The following CCDC141 variants were observed in gnomAD, a reference collection of about 807,000 sequenced individuals.
CCDC141 encodes coiled-coil domain containing 141.
In CCDC141, 168 loss-of-function variants were observed where a neutral mutation model predicts 181.0. That is an observed-to-expected ratio of 0.93 (90% CI 0.82 to 1.05). The LOEUF (loss-of-function observed/expected upper bound fraction) is 1.05. Among genes scored for constraint, CCDC141 ranks in the 50% least tolerant of loss-of-function variants. The pLI is 0.00. For missense variants in CCDC141, 1,902 were observed against 1,788.5 expected (o/e 1.06, Z -1.14); for synonymous variants, 666 against 642.3 (o/e 1.04, Z -0.56).
At chr2:178,990,571 AAGGGGAGGGG>A (rs1156573274) in intron 2 of CCDC141, among the ~76,000 whole-genome samples, 1 of 114,884 alleles carries the variant, frequency 8.7e-6, no homozygotes, top group African/African-American at 3.4e-5. Context: ...GAAAAAAGAG[AAGGGGAGGGG>A]AGTGGAGGGG....
In CCDC141 at chr2:178,996,698, G is replaced by A. The variant is rs182811467; in HGVS notation, c.226-18023C>T. On this transcript the variant is annotated intron_variant, in intron 2 of 23. Coordinates refer to ENST00000443758, the MANE Select transcript of CCDC141 (RefSeq NM_173648.4). ...CTATGATTATGGCTTCCAATATTTC[G>A]TTGGGACTCTCCCATGACCTCCACT... Among the ~76,000 whole-genome samples the A allele has an allele frequency of 7.6e-3, 1,150 of 152,204 alleles. 6 individuals are homozygous for A. Among genetic ancestry groups the A allele is most frequent in the Non-Finnish European group, 0.013 (912 of 68,006 alleles).
At chr2:178,933,646 T>G (rs1326629028) in intron 6 of CCDC141, among the ~76,000 whole-genome samples, 1 of 152,204 alleles carries the variant, frequency 6.6e-6, no homozygotes, top group Admixed American at 6.5e-5. Context: ...GTCTTCTGTC[T>G]CCCTCCCATT....
intron 7 of CCDC141, among the ~76,000 whole-genome samples, chr2:178,914,260 C>T (rs964653923): frequency 2.0e-5 from 3 of 152,130 alleles, no homozygotes; most frequent in African/African-American, 4.8e-5. Flanking sequence ...TAGTCAATGT[C>T]GACAACTGAC....
intron 5 of CCDC141, among the ~76,000 whole-genome samples, chr2:178,951,789 C>G (rs977697719): frequency 2.0e-5 from 3 of 152,202 alleles, no homozygotes; most frequent in Admixed American, 2.0e-4. Context: ...CAGGCAGCAA[C>G]AGCTAATTCT....
At chr2:179,007,960 A>G (rs2042161078) in intron 2 of CCDC141, among the ~76,000 whole-genome samples, 1 of 152,142 alleles carries the variant, frequency 6.6e-6, no homozygotes, top group Non-Finnish European at 1.5e-5. Flanking sequence ...CAGAGAATAC[A>G]TTTTCTTAGT....
Position 179,023,328 on chromosome 2 carries a change from A to G in CCDC141, c.225+23956T>C, listed in dbSNP as rs147220260. Among the ~76,000 whole-genome samples the G allele has an allele frequency of 1.8e-3, 274 of 152,268 alleles. 5 individuals are homozygous for G. In the East Asian group the frequency reaches 0.032, roughly 18 times the overall value. ...CACAGATGAGGAAACTGAGGCAGAA[A>G]GAGGATAAGTAACTTCCCCAGAGTT... On this transcript the variant is annotated intron_variant, in intron 2 of 23. Transcript: ENST00000443758.
At chr2:178,967,404 CTAAAAGCCA>C (rs1690688586) in intron 4 of CCDC141, among the ~76,000 whole-genome samples, 1 of 152,184 alleles carries the variant, frequency 6.6e-6, no homozygotes, top group Admixed American at 6.5e-5. Context: ...TGCAGAAACT[CTAAAAGCCA>C]GAAGAGAGTG....
chr2:178,953,954 G>A (rs1418096533), intron 5 of CCDC141, among the ~76,000 whole-genome samples: 1 of 152,050 alleles, frequency 6.6e-6, no homozygotes, highest in Non-Finnish European at 1.5e-5. Context: ...CCATTGACAA[G>A]GAATATACTG....
In CCDC141 at chr2:178,831,081, G is replaced by A. The variant is rs1344149234; in HGVS notation, c.*3092C>T. ...TTAAGTATGTGTCTTGATTATGAGT[G>A]ATAGAGGTTACCATTATTGATTAAT... On this transcript the variant is annotated 3_prime_UTR_variant, in exon 24 of 24. Transcript: ENST00000443758. 1 of 152,208 alleles carries A rather than the reference G, an allele frequency of 6.6e-6. No individual in the cohort carries two copies. The allele number at this position is 152,208 out of a possible 1,614,324, so 9.4% of individuals were successfully genotyped here. A position where few individuals can be genotyped will look rare whatever the true frequency, so the allele number is the denominator to read the frequency against.
the CCDC141 span, among the ~76,000 whole-genome samples, chr2:178,818,909 T>C: frequency 3.3e-5 from 5 of 152,162 alleles, no homozygotes; most frequent in African/African-American, 9.7e-5. Flanking sequence ...TGTAAAAGCA[T>C]TTGTAAAGGC....
In CCDC141 at chr2:178,856,376, T is replaced by C. The variant is rs1685389052; in HGVS notation, c.2746A>G (p.Ile916Val). The change falls in exon 18 of 24, where the codon ATC (isoleucine) becomes GTC (valine). Residue 916 changes from isoleucine to valine, a missense_variant. Coordinates refer to ENST00000443758, the MANE Select transcript of CCDC141 (RefSeq NM_173648.4). ...INELKDSFKD[I>V]KKKFNNLKFN... The stretch of plus-strand genomic sequence containing the variant: ...TTCAAATTATTGAATTTCTTTTTGA[T>C]ATCTTTGAATGAGTCTTTGAGCTGT... 2 of 1,596,718 alleles carry C rather than the reference T, an allele frequency of 1.3e-6. No homozygotes were observed. The highest frequency in any genetic ancestry group is 1.7e-5 in the Admixed American group (1 of 58,888).
chr2:178,971,856 A>G (rs1385654225), intron 4 of CCDC141, among the ~76,000 whole-genome samples: 2 of 152,114 alleles, frequency 1.3e-5, no homozygotes, highest in Non-Finnish European at 2.9e-5. Context: ...CTTCTCACTC[A>G]TAAGTGGGAG....
intron 4 of CCDC141, among the ~76,000 whole-genome samples, chr2:178,973,579 T>C (rs982653823): frequency 2.6e-5 from 4 of 152,112 alleles, no homozygotes; most frequent in African/African-American, 7.2e-5. Context: ...TCCTAGGAAC[T>C]TGAAGGAGCC....
chr2:178,895,364 GCAGGGATTTCTGCCTCTTTAGT>G (rs964955511), intron 8 of CCDC141, among the ~76,000 whole-genome samples: 2 of 152,116 alleles, frequency 1.3e-5, no homozygotes, highest in Admixed American at 6.6e-5. Context: ...ATCACCCAGG[GCAGGGATTTCTGCCTCTTTAGT>G]CAGCCTTCCT....
chr2:178,968,468 A>C (rs1690733955), intron 4 of CCDC141, among the ~76,000 whole-genome samples: 2 of 152,170 alleles, frequency 1.3e-5, no homozygotes, highest in Non-Finnish European at 2.9e-5. Context: ...GAAACTGAAC[A>C]ACATGCTCCT....
chr2:178,981,017 G>A (rs902997440), intron 2 of CCDC141, among the ~76,000 whole-genome samples: 15 of 152,156 alleles, frequency 9.9e-5, no homozygotes, highest in African/African-American at 2.4e-4. Flanking sequence ...TGGGTGTTAC[G>A]TAATAATAAA....
Position 178,892,763 on chromosome 2 carries a change from G to A in CCDC141, c.1266-4095C>T, listed in dbSNP as rs79566622. Among the ~76,000 whole-genome samples the A allele has an allele frequency of 3.4e-3, 525 of 152,274 alleles. 4 individuals carry two copies. Among genetic ancestry groups the A allele is most frequent in the African/African-American group, 0.012 (509 of 41,560 alleles). The stretch of plus-strand genomic sequence containing the variant: ...AAAATAAATTGATAGAATCTCATCA[G>A]TCTCCCAGAAATGAGTCCTATTACT... On this transcript the variant is annotated intron_variant, in intron 8 of 23. Transcript: ENST00000443758.
intron 6 of CCDC141, among the ~76,000 whole-genome samples, chr2:178,944,078 T>C (rs1253875966): frequency 6.6e-6 from 1 of 152,194 alleles, no homozygotes; most frequent in Non-Finnish European, 1.5e-5. Flanking sequence ...TGTATAATGT[T>C]TAAGAGCTTG....
rs541955131 is a variant in CCDC141, at chr2:178,840,321, G to C, written c.3475-2577C>G. Among the ~76,000 whole-genome samples, 8 of 152,264 alleles carry C rather than the reference G, an allele frequency of 5.3e-5. No homozygotes were observed. In the South Asian group the frequency reaches 1.5e-3, roughly 28 times the overall value. On this transcript the variant is annotated intron_variant, in intron 22 of 23. Coordinates refer to ENST00000443758, the MANE Select transcript of CCDC141 (RefSeq NM_173648.4). The stretch of plus-strand genomic sequence containing the variant: ...ATTTGTTGACTTGTTGGCCTTCCAG[G>C]GGCAGACAATGACAACTCCTTAATG...
Sources: gnomAD v4.1 joint callset for allele counts (sites outside exome capture counted in the v4.1 genomes callset) on GRCh38, gnomAD v4.1.1 for gene constraint, MANE v1.5 for transcripts, NCBI Gene and HGNC (gene_info 2026-07-23, HGNC 2026-07-21) for gene names.